The following MAB21L4 variants were observed in gnomAD, a reference collection of about 807,000 sequenced individuals.
The protein encoded by MAB21L4 is protein mab-21-like 4.
Under a neutral mutation model 32.4 loss-of-function variants are expected in MAB21L4, and 25 were observed. The observed-to-expected ratio is 0.77, with a 90% confidence interval of 0.56 to 1.08. The LOEUF (loss-of-function observed/expected upper bound fraction) is 1.08. MAB21L4 is among the 50% of genes least tolerant of loss of function. The pLI is 0.00. For synonymous variants in MAB21L4, 280 were observed against 276.8 expected, an observed-to-expected ratio of 1.01 and a Z score of -0.11; for missense variants, 638 against 611.0, an observed-to-expected ratio of 1.04 and a Z score of -0.47.
chr2:240,891,870 C>T (rs761060287), intron 1 of MAB21L4, 107 bp from the exon 2 acceptor site: 1 of 1,581,036 alleles, frequency 6.3e-7, no homozygotes, highest in Non-Finnish European at 8.6e-7. Flanking sequence ...CATCACCTCT[C>T]ACCTGCAGCC....
At chr2:240,892,169 T>A in intron 1 of MAB21L4, 1 of 792,502 alleles carries the variant, frequency 1.3e-6, no homozygotes, top group Non-Finnish European at 1.8e-6. Flanking sequence ...GGGGCCAAAG[T>A]CCCAGCCCTC....
Position 240,891,600 on chromosome 2 carries a change from GC to G in MAB21L4, c.677del (p.Gly226AlafsTer3). 6.2e-7 allele frequency: 1 copy of G among 1,610,206 alleles called. No individual in the cohort carries two copies. On this transcript the variant is annotated frameshift_variant, in exon 2 of 5. Coordinates refer to ENST00000388934, the MANE Select transcript of MAB21L4 (RefSeq NM_001085437.3). LOFTEE classifies it high-confidence loss of function. ...CTTGGCTGAGGATCCTTCTCAAGCT[GC>G]CCTCAGGGAATCCGGGCATCTGCTG... ...GVQQMPGFPE[G>X]SLRRILSQGV... is the part of the protein sequence containing the mutation.
intron 2 of MAB21L4, among the ~76,000 whole-genome samples, chr2:240,890,524 G>A (rs2059135778): frequency 6.6e-6 from 1 of 152,178 alleles, no homozygotes; most frequent in South Asian, 2.1e-4. Context: ...CAGCCTCCAG[G>A]GGTGGCCGCA....
intron 1 of MAB21L4, among the ~76,000 whole-genome samples, chr2:240,894,737 G>A (rs946850487): frequency 1.2e-4 from 18 of 152,102 alleles, no homozygotes; most frequent in African/African-American, 2.9e-4. Context: ...CCCAGGAGGC[G>A]GAGTGAGCCA....
chr2:240,891,413 C>T (rs2059147768), intron 2 of MAB21L4, 125 bp downstream of exon 2: 4 of 864,554 alleles, frequency 4.6e-6, no homozygotes, highest in Admixed American at 2.4e-5. Context: ...AACACACATG[C>T]CCATGGGGGC....
chr2:240,888,307 G>A lies in MAB21L4; in HGVS notation c.1236C>T (p.Asp412=), dbSNP rs372428298. 7.4e-4 allele frequency: 1,154 copies of A among 1,569,762 alleles called. No individual in the cohort carries two copies. The highest frequency in any genetic ancestry group is 9.3e-4 in the Non-Finnish European group (1,080 of 1,162,460). The part of the protein sequence containing the change: ...DPTYWATAYF[D]VLLDKFQVFN... ...CAGCACCCACCTTGTCCAGCAGGAC[G>A]TCGAAGTAGGCAGTGGCCCAGTAAG... The change falls in exon 4 of 5, where the codon GAC becomes GAT. Residue 412 remains aspartate (D), a synonymous_variant. Coordinates refer to ENST00000388934, the MANE Select transcript of MAB21L4 (RefSeq NM_001085437.3).
At chr2:240,887,469 G>T (rs775386141) in intron 4 of MAB21L4, among the ~76,000 whole-genome samples, 1 of 152,376 alleles carries the variant, frequency 6.6e-6, no homozygotes, top group Non-Finnish European at 1.5e-5. Context: ...GCCCACACAG[G>T]TCTGCTGAGA....
Position 240,888,650 on chromosome 2 carries a change from T to TGCAGGACAGCAGGG in MAB21L4, c.895-16_895-3dup, listed in dbSNP as rs2059118588. ...CACAGAGGCCCACAGCAGCACCATC[T>TGCAGGACAGCAGGG]GCAGGACAGCAGGGTCAGCCCTGGC... On this transcript the variant is annotated splice_region_variant and splice_polypyrimidine_tract_variant and intron_variant, in intron 3 of 4. Coordinates refer to ENST00000388934, the MANE Select transcript of MAB21L4 (RefSeq NM_001085437.3). The TGCAGGACAGCAGGG allele has an allele frequency of 6.5e-7, 1 of 1,549,126 alleles. No individual in the cohort carries two copies. Among genetic ancestry groups the TGCAGGACAGCAGGG allele is most frequent in the Non-Finnish European group, 8.7e-7 (1 of 1,146,902 alleles).
rs745470112 is a variant in MAB21L4, at chr2:240,888,303, G to A, written c.1240C>T (p.Leu414=). 24 of 1,565,908 alleles carry A rather than the reference G, an allele frequency of 1.5e-5. No homozygotes were observed. Among genetic ancestry groups the A allele is most frequent in the Non-Finnish European group, 2.1e-5 (24 of 1,160,674 alleles). Residue 414 remains leucine, a synonymous_variant, in exon 4 of 5, where the codon CTG becomes TTG. Transcript: ENST00000388934. The part of the protein sequence containing the change: ...TYWATAYFDV[L]LDKFQVFNIQ... ...CAGCCAGCACCCACCTTGTCCAGCA[G>A]GACGTCGAAGTAGGCAGTGGCCCAG...
chr2:240,888,718 C>T, intron 3 of MAB21L4, 70 bp from the exon 4 acceptor site: 2 of 1,134,828 alleles, frequency 1.8e-6, no homozygotes, highest in Non-Finnish European at 2.4e-6. Flanking sequence ...ACCCTGCGCT[C>T]CCACCCTCAC....
In MAB21L4 at chr2:240,887,134, T is replaced by C. The variant is rs762163841; in HGVS notation, c.1280A>G (p.Asp427Gly). ...KFQVFNIQDK[D>G]RISAMQSIFQ... The stretch of plus-strand genomic sequence containing the variant: ...GATGCTCTGCATGGCAGAGATCCGG[T>C]CCTTATCCTGGATGTTGAAGACCTG... Residue 427 changes from aspartate (D) to glycine (G), a missense_variant, in exon 5 of 5, where the codon GAC (aspartate) becomes GGC (glycine). Asp to Gly is a moderately conservative substitution (Grantham distance 94). Transcript: ENST00000388934. 1.9e-6 allele frequency: 3 copies of C among 1,614,128 alleles called. No individual in the cohort carries two copies. Among genetic ancestry groups the C allele is most frequent in the South Asian group, 1.1e-5 (1 of 91,066 alleles).
intron 1 of MAB21L4, among the ~76,000 whole-genome samples, chr2:240,893,341 G>A (rs909953083): frequency 6.6e-6 from 1 of 152,194 alleles, no homozygotes; most frequent in African/African-American, 2.4e-5. Context: ...GGCAACCCTG[G>A]CCCTGCTGCC....
At chr2:240,891,902 C>G in intron 1 of MAB21L4, 139 bp from the exon 2 acceptor site, 1 of 1,574,630 alleles carries the variant, frequency 6.4e-7, no homozygotes, top group Non-Finnish European at 8.6e-7. Context: ...CCCCCACCTG[C>G]AGGCTGCAGC....
intron 3 of MAB21L4, among the ~76,000 whole-genome samples, chr2:240,889,323 C>T (rs890823435): frequency 5.3e-5 from 8 of 152,198 alleles, no homozygotes; most frequent in Admixed American, 1.3e-4. Flanking sequence ...CTAGGGACTC[C>T]GGACACCAGG....
rs1436211969 is a variant in MAB21L4 at position 240,888,637 on chromosome 2, C to A, written c.906G>T (p.Leu302=). ...GCGCCAGGAAGAGCACAGAGGCCCA[C>A]AGCAGCACCATCTGCAGGACAGCAG... ...LTFGHLKMVL[L]WASVLFLAPE... The change falls in exon 4 of 5, where the codon CTG becomes CTT. Residue 302 remains leucine, a synonymous_variant. Coordinates refer to ENST00000388934, the MANE Select transcript of MAB21L4 (RefSeq NM_001085437.3). 1 of 1,571,438 alleles carries A rather than the reference C, an allele frequency of 6.4e-7. No homozygotes were observed. Among genetic ancestry groups the A allele is most frequent in the Non-Finnish European group, 8.6e-7 (1 of 1,158,042 alleles).
chr2:240,893,090 C>G (rs2059164065), intron 1 of MAB21L4, among the ~76,000 whole-genome samples: 1 of 152,204 alleles, frequency 6.6e-6, no homozygotes, highest in Admixed American at 6.5e-5. Context: ...CAGTACTGTC[C>G]AGCCAGGGTG....
intron 4 of MAB21L4, among the ~76,000 whole-genome samples, chr2:240,887,565 G>A (rs888675775): frequency 1.3e-5 from 2 of 152,276 alleles, no homozygotes; most frequent in Admixed American, 6.5e-5. Context: ...GCCCCAGGAG[G>A]CCATCAGCAT....
Position 240,888,609 on chromosome 2 carries a change from CG to C in MAB21L4, c.933del (p.Glu312ArgfsTer221). ...LLWASVLFLA[P>X]EDWAELQGAV... ...GCGCCCTGCAGTTCTGCCCAGTCCT[CG>C]GGCGCCAGGAAGAGCACAGAGGCCC... On this transcript the variant is annotated frameshift_variant, in exon 4 of 5. Coordinates refer to ENST00000388934, the MANE Select transcript of MAB21L4 (RefSeq NM_001085437.3). LOFTEE classifies it high-confidence loss of function. 3 of 1,599,762 alleles carry C rather than the reference CG, an allele frequency of 1.9e-6. No individual in the cohort carries two copies. Among genetic ancestry groups the C allele is most frequent in the Non-Finnish European group, 1.7e-6 (2 of 1,173,568 alleles).
At chr2:240,893,297 G>A (rs2059165586) in intron 1 of MAB21L4, among the ~76,000 whole-genome samples, 1 of 152,214 alleles carries the variant, frequency 6.6e-6, no homozygotes, top group Non-Finnish European at 1.5e-5. Context: ...CTCCCGTGGG[G>A]CAGTTCTGGG....
Sources: gnomAD v4.1 joint callset for allele counts (sites outside exome capture counted in the v4.1 genomes callset) on GRCh38, gnomAD v4.1.1 for gene constraint, MANE v1.5 for transcripts, NCBI Gene and HGNC (gene_info 2026-07-23, HGNC 2026-07-21) for gene names.